Variants in MAPK9 observed in about 807,000 individuals in gnomAD.
The protein encoded by MAPK9 is Jun kinase.
MAPK9 carries 30 observed loss-of-function variants against 57.1 expected under a neutral mutation model. The observed-to-expected ratio is 0.53, with a 90% CI of 0.39 to 0.71. The LOEUF is 0.71. Among genes scored for constraint, MAPK9 ranks in the 30% least tolerant of loss-of-function variants. The probability of loss-of-function intolerance (pLI) is 0.00; values close to 1 mark genes in which losing one functional copy is unlikely to be tolerated. For synonymous variants in MAPK9, 155 were observed against 177.0 expected, an observed-to-expected ratio of 0.88 and a Z score of 0.99; for missense variants, 362 against 521.0, an observed-to-expected ratio of 0.69 and a Z score of 2.97.
intron 7 of MAPK9, among the ~76,000 whole-genome samples, chr5:180,244,497 C>T (rs758813792): frequency 2.0e-5 from 3 of 151,990 alleles, no homozygotes; most frequent in Non-Finnish European, 2.9e-5. Flanking sequence ...AGCTGTCGGT[C>T]GGGCTCAGTG....
chr5:180,288,818 T>C (rs369177732), intron 1 of MAPK9, among the ~76,000 whole-genome samples: 14 of 152,334 alleles, frequency 9.2e-5, no homozygotes, highest in African/African-American at 3.4e-4. Flanking sequence ...TTATGGGTGG[T>C]AAGGGTGCAA....
At chr5:180,249,470 G>A (rs1054210392) in intron 5 of MAPK9, among the ~76,000 whole-genome samples, 1 of 151,614 alleles carries the variant, frequency 6.6e-6, no homozygotes, top group African/African-American at 2.4e-5. Context: ...CTCCACGCCT[G>A]GACTTGAGTT....
intron 2 of MAPK9, chr5:180,279,726 G>A: frequency 5.2e-6 from 2 of 386,696 alleles, no homozygotes; most frequent in South Asian, 1.8e-5. Context: ...GTTCTGCCCA[G>A]AAAAATAAGG....
At chr5:180,240,996 C>G in intron 9 of MAPK9, 35 bp downstream of exon 9, 1 of 1,584,688 alleles carries the variant, frequency 6.3e-7, no homozygotes, top group Non-Finnish European at 8.6e-7. Flanking sequence ...TAAGCCTGGC[C>G]TCTCTATATA....
rs781319821 is a variant in MAPK9 at position 180,238,332 on chromosome 5, C to T, written c.1132G>A (p.Asp378Asn). The T allele has an allele frequency of 1.2e-6, 2 of 1,610,486 alleles. No individual in the cohort carries two copies. Among genetic ancestry groups the T allele is most frequent in the African/African-American group, 2.7e-5 (2 of 74,814 alleles). ...ACAATCAATTAAAGCAATCACTAACCTGAAGGCTGATCTTTTACAACACCA... is the reference window on the plus strand; with the variant it reads ...ACAATCAATTAAAGCAATCACTAACTTGAAGGCTGATCTTTTACAACACCA... ...KNGVVKDQPS[D>N]AAVSSNATPS... The change falls in exon 11 of 12, where the codon GAT (aspartate) becomes AAT (asparagine). Residue 378 changes from aspartate to asparagine, a missense_variant and splice_region_variant. Asp to Asn is a conservative substitution (Grantham distance 23). Coordinates refer to ENST00000452135, the MANE Select transcript of MAPK9 (RefSeq NM_002752.5).
rs554826761 is a variant in MAPK9 at position 180,247,283 on chromosome 5, G to T, written c.688+156C>A. On this transcript the variant is annotated intron_variant, in intron 7 of 11. Coordinates refer to ENST00000452135, the MANE Select transcript of MAPK9 (RefSeq NM_002752.5). The surrounding 1 kb of genome is among the most constrained non-coding windows in gnomAD (Gnocchi z 4.5). Reference sequence around the variant, plus strand: ...AGAATGAAATTGAACCACTTGGCTTGTGACACTAATTAACAAATACAGTAA... The same window carrying T: ...AGAATGAAATTGAACCACTTGGCTTTTGACACTAATTAACAAATACAGTAA... 9.3e-5 allele frequency: 66 copies of T among 712,392 alleles called. 2 individuals carry two copies. The South Asian group carries it at 1.1e-3, about 12-fold the overall frequency. The allele number at this position is 712,392 out of a possible 1,614,324, so 44.1% of individuals were successfully genotyped here. A position where few individuals can be genotyped will look rare whatever the true frequency, so the allele number is the denominator to read the frequency against.
rs149780678 is a variant in MAPK9 at position 180,263,863 on chromosome 5, G to A, written c.311+918C>T. 6.1e-3 allele frequency among the ~76,000 whole-genome samples: 922 copies of A among 151,924 alleles called. 21 individuals carry two copies. Among genetic ancestry groups the A allele is most frequent in the South Asian group, 0.055 (266 of 4,808 alleles). On this transcript the variant is annotated intron_variant, in intron 4 of 11. Transcript: ENST00000452135. ...TGGGACTACAGGCCCCCGCCACCAC[G>A]CCCGGCTGATTTTTTGTATTTTTAG...
At chr5:180,290,718 C>T (rs1175273685) in intron 1 of MAPK9, among the ~76,000 whole-genome samples, 2 of 152,234 alleles carry the variant, frequency 1.3e-5, no homozygotes, top group Non-Finnish European at 2.9e-5. Context: ...ACAAGTTTCA[C>T]ACGCTAATCA....
chr5:180,280,489 G>A lies in MAPK9; in HGVS notation c.73C>T (p.Arg25Cys), dbSNP rs376885616. The stretch of plus-strand genomic sequence containing the variant: ...CCAATTGGTTTCAGCTGCTGGTAAC[G>A]TTTTAGGACAGTGAAGGTTGAGTCT... ...VADSTFTVLK[R>C]YQQLKPIGSG... is the part of the protein sequence containing the mutation. Residue 25 changes from arginine (R) to cysteine (C), a missense_variant, in exon 2 of 12, where the codon CGT becomes TGT. Arg to Cys is a radical substitution (Grantham distance 180, BLOSUM62 -3). Coordinates refer to ENST00000452135, the MANE Select transcript of MAPK9 (RefSeq NM_002752.5). The A allele has an allele frequency of 1.1e-5, 17 of 1,614,014 alleles. No homozygotes were observed. The highest frequency in any genetic ancestry group is 8.9e-5 in the East Asian group (4 of 44,888).
rs191604547 is a variant in MAPK9, at chr5:180,243,581, A to C, written c.689-826T>G. On this transcript the variant is annotated intron_variant, in intron 7 of 11. Transcript: ENST00000452135. ...AAAAAATAGCATCAACAGCAGCTTAAAAAAGTGCTCACTGAGGCATGTCTT... is the reference window on the plus strand; with the variant it reads ...AAAAAATAGCATCAACAGCAGCTTACAAAAGTGCTCACTGAGGCATGTCTT... 1.4e-3 allele frequency among the ~76,000 whole-genome samples: 207 copies of C among 152,340 alleles called. 1 individual carries two copies. The highest frequency in any genetic ancestry group is 1.9e-3 in the Non-Finnish European group (131 of 68,030).
At chr5:180,254,976 C>A (rs1235606143) in intron 5 of MAPK9, among the ~76,000 whole-genome samples, 2 of 152,118 alleles carry the variant, frequency 1.3e-5, no homozygotes, top group African/African-American at 4.8e-5. Flanking sequence ...AGAGTTTGCA[C>A]TGAGCCAAGA....
chr5:180,254,477 A>C (rs1310846701), intron 5 of MAPK9, among the ~76,000 whole-genome samples: 3 of 152,242 alleles, frequency 2.0e-5, no homozygotes, highest in African/African-American at 7.2e-5. Flanking sequence ...TTTTAAGAGC[A>C]AATGAGTGTC....
intron 1 of MAPK9, among the ~76,000 whole-genome samples, chr5:180,281,755 T>A (rs1458122341): frequency 6.6e-6 from 1 of 152,150 alleles, no homozygotes; most frequent in East Asian, 1.9e-4. Flanking sequence ...TGAGTCAAAT[T>A]AATAATTTCT....
chr5:180,241,411 C>G (rs1178613517), intron 8 of MAPK9, among the ~76,000 whole-genome samples: 3 of 151,892 alleles, frequency 2.0e-5, no homozygotes, highest in Non-Finnish European at 4.4e-5. Context: ...CATTCTCCTA[C>G]CTCAGCCTCC....
chr5:180,291,622 G>C (rs1405558010), intron 1 of MAPK9, among the ~76,000 whole-genome samples: 2 of 151,940 alleles, frequency 1.3e-5, no homozygotes, highest in African/African-American at 4.8e-5. Context: ...CGGGCAGGTC[G>C]GCCGGGCCAG....
At chr5:180,289,551 G>A (rs540123753) in intron 1 of MAPK9, among the ~76,000 whole-genome samples, 16 of 152,252 alleles carry the variant, frequency 1.1e-4, no homozygotes, top group East Asian at 7.7e-4. Flanking sequence ...ATCTGGGTTC[G>A]AACTCCACTC....
At chr5:180,244,952 C>CGGGGGGG (rs1362188923) in intron 7 of MAPK9, among the ~76,000 whole-genome samples, 2 of 152,210 alleles carry the variant, frequency 1.3e-5, no homozygotes, top group Non-Finnish European at 2.9e-5. Flanking sequence ...GGCCAATCCC[C>CGGGGGGG]CGTCCTCATC....
chr5:180,247,759 C>A lies in MAPK9; in HGVS notation c.617-249G>T. ...AACAAACAAACAAACAAACAAAAAA[C>A]CAGAAACAAGAAGTGCCTGTGAACA... On this transcript the variant is annotated intron_variant, in intron 6 of 11. Coordinates refer to ENST00000452135, the MANE Select transcript of MAPK9 (RefSeq NM_002752.5). The surrounding 1 kb of genome is among the most constrained non-coding windows in gnomAD (Gnocchi z 4.5). The A allele has an allele frequency of 3.8e-6, 5 of 1,318,118 alleles. No homozygotes were observed. Among genetic ancestry groups the A allele is most frequent in the Non-Finnish European group, 4.3e-6 (4 of 920,220 alleles). The allele number at this position is 1,318,118 out of a possible 1,614,324, so 81.7% of individuals were successfully genotyped here.
rs367611188 is a variant in MAPK9, at chr5:180,264,859, T to C, written c.253-20A>G. 6.7e-7 allele frequency: 1 copy of C among 1,497,234 alleles called. No homozygotes were observed. Among genetic ancestry groups the C allele is most frequent in the African/African-American group, 1.4e-5 (1 of 71,016 alleles). The allele number at this position is 1,497,234 out of a possible 1,614,324, so 92.7% of individuals were successfully genotyped here. ...AATTATCTGAAAAGAGAAAATTAAT[T>C]ATACTTCAATATGTCAGATTACTTG... On this transcript the variant is annotated intron_variant, in intron 3 of 11. Coordinates refer to ENST00000452135, the MANE Select transcript of MAPK9 (RefSeq NM_002752.5).
Sources: gnomAD v4.1 joint callset for allele counts (sites outside exome capture counted in the v4.1 genomes callset) on GRCh38, gnomAD v4.1.1 for gene constraint, Gnocchi (gnomAD v3.1) non-coding constraint, MANE v1.5 for transcripts, NCBI Gene and HGNC (gene_info 2026-07-23, HGNC 2026-07-21) for gene names.